TMEM132B: variants seen among roughly 807,000 people sequenced by gnomAD.
The protein encoded by TMEM132B is transmembrane protein 132B.
Under a neutral mutation model 90.8 loss-of-function variants are expected in TMEM132B, and 18 were observed. The observed-to-expected ratio is 0.20, with a 90% CI of 0.14 to 0.29. TMEM132B has a LOEUF of 0.29. Ranked by LOEUF, TMEM132B falls within the 10% of genes least tolerant of loss-of-function variation. The pLI, the probability that TMEM132B is intolerant of heterozygous loss-of-function variation, is 1.00. For missense variants in TMEM132B, 1,096 were observed against 1,326.8 expected (o/e 0.83, Z 2.70); for synonymous variants, 504 against 523.3 (o/e 0.96, Z 0.50).
chr12:125,226,879 G>A (rs1565978942), intron 1 of TMEM132B, among the ~76,000 whole-genome samples: 1 of 152,238 alleles, frequency 6.6e-6, no homozygotes. Flanking sequence ...GGTGATGCAT[G>A]TTTAACGCCT....
chr12:125,230,647 A>G (rs1398893123), intron 1 of TMEM132B, among the ~76,000 whole-genome samples: 1 of 149,160 alleles, frequency 6.7e-6, no homozygotes, highest in African/African-American at 2.5e-5. Context: ...CGCCCGTCTA[A>G]TTTTTGTGGT....
intron 5 of TMEM132B, among the ~76,000 whole-genome samples, chr12:125,594,941 G>A (rs549570412): frequency 1.3e-5 from 2 of 152,180 alleles, no homozygotes; most frequent in South Asian, 4.2e-4. Context: ...CACCCTGCCT[G>A]TTGAGCTCAG....
intron 2 of TMEM132B, among the ~76,000 whole-genome samples, chr12:125,359,428 T>C (rs571750180): frequency 6.6e-6 from 1 of 152,324 alleles, no homozygotes; most frequent in East Asian, 1.9e-4. Context: ...CCTGTTAAGA[T>C]GTTATATTGG....
chr12:125,383,661 AC>A (rs1176770497), intron 2 of TMEM132B, among the ~76,000 whole-genome samples: 3 of 152,230 alleles, frequency 2.0e-5, no homozygotes, highest in Admixed American at 2.0e-4. Context: ...AGGCAAGTTT[AC>A]CTAAAACAGA....
chr12:125,451,942 G>A (rs11058176), intron 3 of TMEM132B, among the ~76,000 whole-genome samples: 41,518 of 151,944 alleles, frequency 0.27, 6,211 homozygotes, highest in East Asian at 0.52. Context: ...GGTTCTTTGG[G>A]GTTCCCAAAC....
chr12:125,559,819 G>A (rs1200526134), intron 4 of TMEM132B, among the ~76,000 whole-genome samples: 1 of 152,116 alleles, frequency 6.6e-6, no homozygotes, highest in East Asian at 1.9e-4. Context: ...TGACACATGC[G>A]TCCTGAATGA....
At chr12:125,293,826 C>A (rs1875603013) in intron 1 of TMEM132B, among the ~76,000 whole-genome samples, 1 of 152,136 alleles carries the variant, frequency 6.6e-6, no homozygotes, top group South Asian at 2.1e-4. Flanking sequence ...ATGTCCCCTC[C>A]CCCTGAATTG....
intron 1 of TMEM132B, among the ~76,000 whole-genome samples, chr12:125,261,695 A>C (rs1874571919): frequency 6.6e-6 from 1 of 152,238 alleles, no homozygotes; most frequent in East Asian, 1.9e-4. Context: ...GTTTCAGAAT[A>C]TCTGGAGTGT....
chr12:125,288,163 T>C (rs113963531), intron 1 of TMEM132B, among the ~76,000 whole-genome samples: 20,709 of 151,052 alleles, frequency 0.14, 1,582 homozygotes, highest in African/African-American at 0.2. Context: ...TGTGAGCCAC[T>C]GCACCCGGCC....
intron 3 of TMEM132B, among the ~76,000 whole-genome samples, chr12:125,448,908 C>T (rs1035127142): frequency 1.3e-5 from 2 of 151,622 alleles, no homozygotes; most frequent in African/African-American, 4.8e-5. Flanking sequence ...ATTTACATTT[C>T]CATAATAACT....
At chr12:125,512,222 C>G (rs1405942946) in intron 3 of TMEM132B, among the ~76,000 whole-genome samples, 8 of 152,188 alleles carry the variant, frequency 5.3e-5, no homozygotes, top group Admixed American at 1.3e-4. Flanking sequence ...AGTTTCAACC[C>G]TAATAAAGGG....
chr12:125,603,590 A>T (rs979742075), intron 5 of TMEM132B, among the ~76,000 whole-genome samples: 56 of 152,296 alleles, frequency 3.7e-4, no homozygotes, highest in African/African-American at 1.3e-3. Flanking sequence ...CAAAAACAAA[A>T]ATTGACAAAT....
chr12:125,591,967 C>CT (rs1312039776), intron 5 of TMEM132B, among the ~76,000 whole-genome samples: 1 of 152,026 alleles, frequency 6.6e-6, no homozygotes, highest in African/African-American at 2.4e-5. Flanking sequence ...TTGGCCATAT[C>CT]TTTTTTTGGG....
At position 125,652,567 on chromosome 12, in the gene TMEM132B, C is replaced by T; in HGVS notation, c.2041C>T (p.Arg681Ter). The T allele has an allele frequency of 1.2e-6, 2 of 1,613,790 alleles. No individual in the cohort carries two copies. Among genetic ancestry groups the T allele is most frequent in the Non-Finnish European group, 8.5e-7 (1 of 1,179,790 alleles). Residue 681 changes from arginine (R) to a stop codon, truncating the protein, a stop_gained, in exon 8 of 9, where the codon CGA (arginine) becomes TGA (stop). Transcript: ENST00000682704. LOFTEE classifies it high-confidence loss of function. ...CATGTCTCTCTCCCTGCAGCCACAC[C>T]GAGCAGACAAAAGGGCCATCGTCTC... ...AGMSLSLQPHRADKRAIVSTA... is the reference protein window; with the variant it reads ...AGMSLSLQPH
At chr12:125,386,724 G>A (rs943100949) in intron 2 of TMEM132B, among the ~76,000 whole-genome samples, 1 of 152,212 alleles carries the variant, frequency 6.6e-6, no homozygotes, top group South Asian at 2.1e-4. Flanking sequence ...AATAATTTTG[G>A]CTTTTAGGAG....
intron 3 of TMEM132B, among the ~76,000 whole-genome samples, chr12:125,488,230 GT>G (rs1416501309): frequency 6.6e-6 from 1 of 152,158 alleles, no homozygotes; most frequent in East Asian, 1.9e-4. Context: ...TATTATCATT[GT>G]TCTGACATTG....
intron 4 of TMEM132B, among the ~76,000 whole-genome samples, chr12:125,555,040 A>G (rs1884338228): frequency 6.6e-6 from 1 of 152,172 alleles, no homozygotes; most frequent in South Asian, 2.1e-4. Flanking sequence ...AGAATGTGAA[A>G]TGATTGATGT....
intron 3 of TMEM132B, among the ~76,000 whole-genome samples, chr12:125,439,228 A>T (rs1172513745): frequency 6.6e-6 from 1 of 152,088 alleles, no homozygotes; most frequent in Admixed American, 6.5e-5. Flanking sequence ...AAGAGCATTG[A>T]ATAGCATTGA....
intron 3 of TMEM132B, among the ~76,000 whole-genome samples, chr12:125,421,335 A>G (rs1474377515): frequency 6.6e-6 from 1 of 152,228 alleles, no homozygotes; most frequent in Non-Finnish European, 1.5e-5. Context: ...TTACAGTTCC[A>G]CATGGCTGGG....
Sources: gnomAD v4.1 joint callset for allele counts (sites outside exome capture counted in the v4.1 genomes callset) on GRCh38, gnomAD v4.1.1 for gene constraint, MANE v1.5 for transcripts, NCBI Gene and HGNC (gene_info 2026-07-23, HGNC 2026-07-21) for gene names.